ISM1: variants seen among roughly 807,000 people sequenced by gnomAD.
ISM1 encodes the protein isthmin-1.
ISM1 carries 25 observed loss-of-function variants against 46.3 expected under a neutral mutation model. That is an observed-to-expected ratio of 0.54 (90% confidence interval 0.39 to 0.75). The LOEUF is 0.75. Ranked by LOEUF, ISM1 falls within the 30% of genes least tolerant of loss-of-function variation. The pLI is 0.00. For missense variants in ISM1, 536 were observed against 625.4 expected (o/e 0.86, Z 1.52); for synonymous variants, 255 against 256.7 (o/e 0.99, Z 0.06).
chr20:13,307,726 T>C, the ISM1 span, among the ~76,000 whole-genome samples: 3 of 152,228 alleles, frequency 2.0e-5, no homozygotes, highest in Non-Finnish European at 2.9e-5. Context: ...TTGCTCAATA[T>C]TGGATTGTGA....
chr20:13,295,811 A>T (rs1379770459), intron 5 of ISM1, among the ~76,000 whole-genome samples: 1 of 152,214 alleles, frequency 6.6e-6, no homozygotes, highest in East Asian at 1.9e-4. Flanking sequence ...ACGCTCAGTC[A>T]TTGGCTGAGA....
downstream of ISM1, among the ~76,000 whole-genome samples, chr20:13,301,892 A>G (rs1015971537): frequency 6.6e-6 from 1 of 152,228 alleles, no homozygotes; most frequent in African/African-American, 2.4e-5. Context: ...AAGTACTATG[A>G]AGAAATAGAG....
chr20:13,323,778 C>T, the ISM1 span, among the ~76,000 whole-genome samples: 2 of 152,092 alleles, frequency 1.3e-5, no homozygotes, highest in African/African-American at 2.4e-5. Context: ...CTTCTTCAAT[C>T]CCAGAATTTT....
intron 2 of ISM1, among the ~76,000 whole-genome samples, chr20:13,272,480 G>A (rs1387652452): frequency 1.3e-5 from 2 of 152,214 alleles, no homozygotes; most frequent in East Asian, 3.8e-4. Context: ...GTGCTGGAGG[G>A]ATCATGAAGA....
intron 1 of ISM1, among the ~76,000 whole-genome samples, chr20:13,269,567 C>T (rs1442734742): frequency 6.6e-6 from 1 of 152,194 alleles, no homozygotes; most frequent in Non-Finnish European, 1.5e-5. Context: ...AAGCTCATTC[C>T]CATCCTGGAC....
chr20:13,312,960 G>C, the ISM1 span, among the ~76,000 whole-genome samples: 18 of 152,250 alleles, frequency 1.2e-4, no homozygotes, highest in African/African-American at 4.3e-4. Context: ...TACACCAAAG[G>C]AGCATCTGGG....
chr20:13,321,475 G>A, the ISM1 span, among the ~76,000 whole-genome samples: 40 of 152,168 alleles, frequency 2.6e-4, no homozygotes, highest in African/African-American at 4.3e-4. Flanking sequence ...GCTCTAGGAC[G>A]TTCCAGAATT....
At chr20:13,293,573 T>C (rs1284829123) in intron 5 of ISM1, among the ~76,000 whole-genome samples, 1 of 152,036 alleles carries the variant, frequency 6.6e-6, no homozygotes, top group African/African-American at 2.4e-5. Context: ...AAATGCCTAT[T>C]GGGGTCAGGT....
chr20:13,294,079 G>A (rs916738914), intron 5 of ISM1, among the ~76,000 whole-genome samples: 5 of 152,174 alleles, frequency 3.3e-5, no homozygotes, highest in Non-Finnish European at 7.3e-5. Flanking sequence ...TTTATCCAAA[G>A]GGTCGGCCAT....
At chr20:13,316,291 T>A in the ISM1 span, among the ~76,000 whole-genome samples, 1 of 151,940 alleles carries the variant, frequency 6.6e-6, no homozygotes, top group Non-Finnish European at 1.5e-5. Context: ...GGAAATTGAA[T>A]TGATAATTAA....
chr20:13,274,783 C>G (rs920585995), intron 2 of ISM1, among the ~76,000 whole-genome samples: 4 of 152,108 alleles, frequency 2.6e-5, no homozygotes, highest in African/African-American at 9.7e-5. Flanking sequence ...CAGGCAGCCT[C>G]GGTCCCAAGT....
chr20:13,231,382 G>T (rs77382541), intron 1 of ISM1, among the ~76,000 whole-genome samples: 5,393 of 152,270 alleles, frequency 0.035, 272 homozygotes, highest in African/African-American at 0.11. Context: ...CAAAGGTCAC[G>T]CCTAGGCAAA....
chr20:13,232,394 A>C (rs370779599), intron 1 of ISM1, among the ~76,000 whole-genome samples: 1 of 152,236 alleles, frequency 6.6e-6, no homozygotes. Context: ...ATATAAGTGG[A>C]ATACAGAATG....
At position 13,221,717 on chromosome 20, in the gene ISM1, G is replaced by A. The variant is rs1397207572; in HGVS notation, c.-60G>A. 125 of 1,320,388 alleles carry A rather than the reference G, an allele frequency of 9.5e-5. 2 individuals carry two copies. The South Asian group carries it at 1.7e-3, about 18-fold the overall frequency. 81.8% of individuals were successfully genotyped at this position (1,320,388 alleles called of 1,614,324 possible). On this transcript the variant is annotated 5_prime_UTR_variant, in exon 1 of 6. Transcript: ENST00000262487. ...CCGGGCTCCTACTCCTCCTCCCCCG[G>A]CGTCACCGCCGCCGCCGCCGGCCGC...
intron 1 of ISM1, among the ~76,000 whole-genome samples, chr20:13,253,685 A>G (rs2039892152): frequency 6.6e-6 from 1 of 152,106 alleles, no homozygotes; most frequent in African/African-American, 2.4e-5. Context: ...ACACATTTCC[A>G]GGCGATTCCA....
rs115411466 is a variant in ISM1, at chr20:13,237,420, C to G, written c.138+15506C>G. On this transcript the variant is annotated intron_variant, in intron 1 of 5. Coordinates refer to ENST00000262487, the MANE Select transcript of ISM1 (RefSeq NM_080826.2). Reference sequence around the variant, plus strand: ...ACAAATGACAACTATATGCAACATGCACAATTTCACAAATGTAATGTTGAG... The same window carrying G: ...ACAAATGACAACTATATGCAACATGGACAATTTCACAAATGTAATGTTGAG... Among the ~76,000 whole-genome samples, 960 of 152,308 alleles carry G rather than the reference C, an allele frequency of 6.3e-3. 17 individuals are homozygous for G. Among genetic ancestry groups the G allele is most frequent in the African/African-American group, 0.022 (913 of 41,560 alleles).
At chr20:13,290,435 G>C (rs1446773428) in intron 4 of ISM1, among the ~76,000 whole-genome samples, 1 of 152,190 alleles carries the variant, frequency 6.6e-6, no homozygotes, top group East Asian at 1.9e-4. Context: ...AGATCACAAG[G>C]TCAGGAGATC....
chr20:13,266,024 G>A (rs1195071459), intron 1 of ISM1, among the ~76,000 whole-genome samples: 1 of 152,186 alleles, frequency 6.6e-6, no homozygotes, highest in Non-Finnish European at 1.5e-5. Context: ...CAAAGTGGAA[G>A]AGAGAAAGGC....
At chr20:13,321,251 C>CAAAAAAAAAAAAAAAAAAAAAA in the ISM1 span, among the ~76,000 whole-genome samples, 1 of 23,688 alleles carries the variant, frequency 4.2e-5, no homozygotes, top group Non-Finnish European at 7.1e-5. Context: ...ATGTGCCCCA[C>CAAAAAAAAAAAAAAAAAAAAAA]ATAAAAAAAA....
Sources: allele counts gnomAD v4.1 joint callset (sites outside exome capture counted in the v4.1 genomes callset), GRCh38; gene constraint gnomAD v4.1.1; transcripts MANE v1.5; gene names NCBI Gene and HGNC (gene_info 2026-07-23, HGNC 2026-07-21).